Variants in PRDM16 observed in about 807,000 individuals in gnomAD.
PRDM16 encodes histone-lysine N-methyltransferase PRDM16.
Under a neutral mutation model 110.6 loss-of-function variants are expected in PRDM16, and 23 were observed. That is an observed-to-expected ratio of 0.21 (90% CI 0.15 to 0.29). The LOEUF (loss-of-function observed/expected upper bound fraction) is 0.29, where lower values mean the gene tolerates loss of function less well. PRDM16 is among the 10% of genes least tolerant of loss of function. The pLI, the probability that PRDM16 is intolerant of heterozygous loss-of-function variation, is 1.00. For missense variants in PRDM16, 1,615 were observed against 1,794.3 expected (o/e 0.90, Z 1.81); for synonymous variants, 799 against 781.8 (o/e 1.02, Z -0.37).
At chr1:3,088,317 A>G (rs925435088) in intron 1 of PRDM16, among the ~76,000 whole-genome samples, 1 of 151,582 alleles carries the variant, frequency 6.6e-6, no homozygotes, top group African/African-American at 2.4e-5. Context: ...AAATCCTCAA[A>G]CCGCCTTTCC....
At chr1:3,368,796 C>A (rs1303043955) in intron 3 of PRDM16, among the ~76,000 whole-genome samples, 2 of 152,142 alleles carry the variant, frequency 1.3e-5, no homozygotes, top group Non-Finnish European at 2.9e-5. Context: ...GGAGGAAAGA[C>A]AATGTGTCCT....
rs866758655 is a variant in PRDM16 at position 3,287,320 on chromosome 1, C to T, written c.438+43183C>T. 6.0e-3 allele frequency among the ~76,000 whole-genome samples: 742 copies of T among 123,134 alleles called. 11 individuals carry two copies. The highest frequency in any genetic ancestry group is 0.033 in the Middle Eastern group (7 of 214). 80.8% of individuals were successfully genotyped at this position (123,134 alleles called of 152,430 possible). ...GCATTTACCGGGGCTGGAGCCGCCC[C>T]GCCACGCGGGCATCCAGGATTGCAT... On this transcript the variant is annotated intron_variant, in intron 3 of 16. Coordinates refer to ENST00000270722, the MANE Select transcript of PRDM16 (RefSeq NM_022114.4).
At chr1:3,225,871 G>A (rs920911967) in intron 2 of PRDM16, among the ~76,000 whole-genome samples, 3 of 152,200 alleles carry the variant, frequency 2.0e-5, no homozygotes, top group Admixed American at 6.5e-5. Flanking sequence ...TGTGGGCACC[G>A]CACAGGCAAA....
At chr1:3,296,108 C>A (rs1474019994) in intron 3 of PRDM16, among the ~76,000 whole-genome samples, 1 of 152,244 alleles carries the variant, frequency 6.6e-6, no homozygotes, top group South Asian at 2.1e-4. Context: ...GTCATCTGCT[C>A]AGATCCACTC....
chr1:3,275,427 G>A (rs979073431), intron 3 of PRDM16, among the ~76,000 whole-genome samples: 6 of 152,050 alleles, frequency 3.9e-5, no homozygotes, highest in African/African-American at 9.7e-5. Flanking sequence ...CCCCTACCCC[G>A]CTGCAGGACA....
At position 3,187,135 on chromosome 1, in the gene PRDM16, A is replaced by G. The variant is rs540481929; in HGVS notation, c.387+661A>G. Among the ~76,000 whole-genome samples, 6 of 152,262 alleles carry G rather than the reference A, an allele frequency of 3.9e-5. No homozygotes were observed. The East Asian group carries it at 1.2e-3, about 29-fold the overall frequency. ...ACGGCTCTGAGAGGGAAGCACCCGG[A>G]GTGTCCTGCCCAGGTTGTGAGGGAC... On this transcript the variant is annotated intron_variant, in intron 2 of 16. Coordinates refer to ENST00000270722, the MANE Select transcript of PRDM16 (RefSeq NM_022114.4).
chr1:3,181,122 A>C (rs1291427288), intron 1 of PRDM16, among the ~76,000 whole-genome samples: 2 of 137,610 alleles, frequency 1.5e-5, no homozygotes, highest in African/African-American at 2.6e-5. Context: ...GGCCTTACAC[A>C]CGCAGTCTTA....
At chr1:3,112,648 C>T (rs10909875) in intron 1 of PRDM16, among the ~76,000 whole-genome samples, 22,745 of 152,220 alleles carry the variant, frequency 0.15, 2,623 homozygotes, top group African/African-American at 0.33. Flanking sequence ...ATCGCTGGTG[C>T]CCTGGCCGGG....
At chr1:3,282,849 C>T (rs916469222) in intron 3 of PRDM16, among the ~76,000 whole-genome samples, 1 of 152,218 alleles carries the variant, frequency 6.6e-6, no homozygotes, top group African/African-American at 2.4e-5. Flanking sequence ...GCAGCCAGCG[C>T]TAGCCCAAGC....
At chr1:3,087,952 G>A (rs575796768) in intron 1 of PRDM16, among the ~76,000 whole-genome samples, 5 of 151,848 alleles carry the variant, frequency 3.3e-5, no homozygotes, top group South Asian at 2.1e-4. Flanking sequence ...GTTTCCCTCC[G>A]TCCCCCGAGA....
At chr1:3,184,734 G>A (rs963196853) in intron 1 of PRDM16, among the ~76,000 whole-genome samples, 3 of 152,266 alleles carry the variant, frequency 2.0e-5, no homozygotes, top group East Asian at 3.9e-4. Flanking sequence ...CCCAGTCCCC[G>A]AGATCTCCCA....
At chr1:3,145,315 G>A (rs1027025270) in intron 1 of PRDM16, among the ~76,000 whole-genome samples, 3 of 152,278 alleles carry the variant, frequency 2.0e-5, no homozygotes, top group Admixed American at 1.3e-4. Context: ...CATGGGATAC[G>A]GGGTGGCTCT....
intron 3 of PRDM16, among the ~76,000 whole-genome samples, chr1:3,267,630 C>T (rs1441365793): frequency 6.6e-6 from 1 of 152,236 alleles, no homozygotes; most frequent in East Asian, 1.9e-4. Flanking sequence ...GTTCGTTTGA[C>T]TCAGAGCTGC....
intron 2 of PRDM16, among the ~76,000 whole-genome samples, chr1:3,240,176 A>G (rs1055354792): frequency 6.6e-6 from 1 of 152,020 alleles, no homozygotes; most frequent in Middle Eastern, 3.4e-3. Context: ...GCTCACATCT[A>G]TAATCACAGA....
rs951033688 is a variant in PRDM16, at chr1:3,245,078, C to T, written c.438+941C>T. The stretch of plus-strand genomic sequence containing the variant: ...CAGCATCGCAGGGGGCGGGGTGGGG[C>T]GGGGTGCACCATGGGGGTTGCTGGC... On this transcript the variant is annotated intron_variant, in intron 3 of 16. Coordinates refer to ENST00000270722, the MANE Select transcript of PRDM16 (RefSeq NM_022114.4). This position sits in a 1 kb window ranked among gnomAD's most constrained non-coding sequence, Gnocchi z 4.7. 2.0e-5 allele frequency among the ~76,000 whole-genome samples: 3 copies of T among 151,974 alleles called. No homozygotes were observed. The highest frequency in any genetic ancestry group is 2.1e-4 in the South Asian group (1 of 4,820).
chr1:3,146,137 C>T (rs1338875079), intron 1 of PRDM16, among the ~76,000 whole-genome samples: 1 of 152,218 alleles, frequency 6.6e-6, no homozygotes, highest in Non-Finnish European at 1.5e-5. Flanking sequence ...TGCTGCACTG[C>T]AGACTCTCCA....
intron 1 of PRDM16, among the ~76,000 whole-genome samples, chr1:3,082,693 G>A (rs1642058503): frequency 6.6e-6 from 1 of 152,244 alleles, no homozygotes; most frequent in Non-Finnish European, 1.5e-5. Context: ...GACCTGGGGG[G>A]CTGGAGGCAC....
intron 3 of PRDM16, among the ~76,000 whole-genome samples, chr1:3,311,781 C>T (rs537679568): frequency 3.8e-4 from 58 of 152,260 alleles, no homozygotes; most frequent in Non-Finnish European, 8.8e-5. Flanking sequence ...AGCTTGGGTT[C>T]GACATCTTTC....
chr1:3,078,925 A>G (rs754258606), intron 1 of PRDM16, among the ~76,000 whole-genome samples: 17 of 152,264 alleles, frequency 1.1e-4, no homozygotes, highest in South Asian at 2.1e-4. Flanking sequence ...TCTCTGCCCA[A>G]TGGGCTGTAA....
Sources: allele counts gnomAD v4.1 joint callset (sites outside exome capture counted in the v4.1 genomes callset), GRCh38; gene constraint gnomAD v4.1.1; non-coding constraint Gnocchi (gnomAD v3.1); transcripts MANE v1.5; gene names NCBI Gene and HGNC (gene_info 2026-07-23, HGNC 2026-07-21).